MS4A4E: variants seen among roughly 807,000 people sequenced by gnomAD.
The protein encoded by MS4A4E is membrane spanning 4-domains A4E.
In MS4A4E, 23 loss-of-function variants were observed where a neutral mutation model predicts 13.3. That is an observed-to-expected ratio of 1.73 (90% CI 1.25 to 2.45). The LOEUF (loss-of-function observed/expected upper bound fraction) is 2.45. Among genes scored for constraint, MS4A4E ranks in the 30% most tolerant of loss-of-function variants. MS4A4E has a pLI of 0.00. For synonymous variants in MS4A4E, 36 were observed against 45.6 expected (o/e 0.79, Z 0.85); for missense variants, 144 against 131.2 (o/e 1.10, Z -0.48).
At chr11:60,224,937 C>T in intron 3 of MS4A4E, 1 of 1,476,640 alleles carries the variant, frequency 6.8e-7, no homozygotes, top group Non-Finnish European at 9.0e-7. Context: ...ATGTTATATC[C>T]AATTATATCA....
At chr11:60,224,543 T>G (rs527322339) in intron 3 of MS4A4E, among the ~76,000 whole-genome samples, 138 of 152,362 alleles carry the variant, frequency 9.1e-4, no homozygotes, top group African/African-American at 3.2e-3. Flanking sequence ...GATTTGGGCA[T>G]ATGTATATAA....
chr11:60,201,154 G>C lies in MS4A4E; in HGVS notation c.*389C>G, dbSNP rs555511318. ...TCCCTCCCGGACGGAGCGGCTGGCCGGGTAGAGGGGCTCCTCACTTCCCAG... is the reference window on the plus strand; with the variant it reads ...TCCCTCCCGGACGGAGCGGCTGGCCCGGTAGAGGGGCTCCTCACTTCCCAG... On this transcript the variant is annotated 3_prime_UTR_variant, in exon 9 of 9. Coordinates refer to ENST00000651255, the MANE Select transcript of MS4A4E (RefSeq NM_001393391.1). 2 of 141,080 alleles carry C rather than the reference G, an allele frequency of 1.4e-5. No individual in the cohort carries two copies. The highest frequency in any genetic ancestry group is 5.4e-5 in the African/African-American group (2 of 36,906). 8.7% of individuals were successfully genotyped at this position (141,080 alleles called of 1,614,324 possible). A position where few individuals can be genotyped will look rare whatever the true frequency, so the allele number is the denominator to read the frequency against.
chr11:60,203,861 A>G (rs1469483954), intron 8 of MS4A4E, among the ~76,000 whole-genome samples: 2 of 152,364 alleles, frequency 1.3e-5, no homozygotes, highest in Middle Eastern at 3.4e-3. Flanking sequence ...TCACTTATAG[A>G]TAGAACCTAG....
chr11:60,239,251 C>T (rs1398160234), intron 1 of MS4A4E, among the ~76,000 whole-genome samples: 1 of 152,108 alleles, frequency 6.6e-6, no homozygotes, highest in Non-Finnish European at 1.5e-5. Flanking sequence ...CAGCATATCT[C>T]GTAGAGAAAT....
At chr11:60,223,860 T>C (rs11826180) in intron 3 of MS4A4E, among the ~76,000 whole-genome samples, 51,481 of 152,008 alleles carry the variant, frequency 0.34, 9,468 homozygotes, top group South Asian at 0.51. Context: ...CTCCTTGTGA[T>C]TGTGTGACTC....
At chr11:60,215,256 T>C (rs1465626946) in intron 3 of MS4A4E, among the ~76,000 whole-genome samples, 3 of 151,892 alleles carry the variant, frequency 2.0e-5, no homozygotes, top group African/African-American at 7.2e-5. Flanking sequence ...TAAACTTCTT[T>C]AGTTTCCAAA....
At position 60,241,259 on chromosome 11, in the gene MS4A4E, C is replaced by T. The variant is rs1004403079; in HGVS notation, c.-17+1699G>A. Among the ~76,000 whole-genome samples, 8 of 152,310 alleles carry T rather than the reference C, an allele frequency of 5.3e-5. 1 individual carries two copies. The highest frequency in any genetic ancestry group is 1.7e-4 in the African/African-American group (7 of 41,554). The stretch of plus-strand genomic sequence containing the variant: ...CAGGATGGTCTCGATCCTCTGACCT[C>T]GTGATCCACCCACCTGGGCCTCCCA... On this transcript the variant is annotated intron_variant, in intron 1 of 8. Transcript: ENST00000651255.
intron 2 of MS4A4E, 128 bp downstream of exon 2, chr11:60,229,784 A>T: frequency 2.3e-6 from 2 of 871,052 alleles, no homozygotes; most frequent in Non-Finnish European, 3.4e-6. Context: ...GCCTGAAATT[A>T]AATTCTGATG....
intron 3 of MS4A4E, among the ~76,000 whole-genome samples, chr11:60,226,586 T>C (rs1352511374): frequency 1.3e-5 from 2 of 152,180 alleles, no homozygotes; most frequent in African/African-American, 4.8e-5. Context: ...CAAAATCCAA[T>C]GCCTGTTTAT....
At chr11:60,205,441 AAAT>A (rs1467967100) in intron 7 of MS4A4E, among the ~76,000 whole-genome samples, 2 of 152,218 alleles carry the variant, frequency 1.3e-5, no homozygotes, top group Non-Finnish European at 2.9e-5. Context: ...TGACAAATAT[AAAT>A]AATATGTATA....
chr11:60,239,593 A>G (rs2084524547), intron 1 of MS4A4E, among the ~76,000 whole-genome samples: 1 of 152,132 alleles, frequency 6.6e-6, no homozygotes, highest in Admixed American at 6.5e-5. Context: ...GTTTGTCTCA[A>G]AGATTGGTCA....
chr11:60,224,239 TCTA>T (rs2134952447), intron 3 of MS4A4E, among the ~76,000 whole-genome samples: 1 of 152,360 alleles, frequency 6.6e-6, no homozygotes, highest in Non-Finnish European at 1.5e-5. Context: ...AAATTCCAAT[TCTA>T]ATTTTAATTT....
chr11:60,234,089 G>A (rs2084449290), intron 1 of MS4A4E, among the ~76,000 whole-genome samples: 1 of 152,142 alleles, frequency 6.6e-6, no homozygotes, highest in Non-Finnish European at 1.5e-5. Context: ...CTTTTGAACT[G>A]AGACAGTCTA....
chr11:60,214,644 A>G lies in MS4A4E; in HGVS notation c.179-30T>C. 3 of 1,434,392 alleles carry G rather than the reference A, an allele frequency of 2.1e-6. No homozygotes were observed. In the South Asian group the frequency reaches 3.9e-5, roughly 19 times the overall value. The allele number at this position is 1,434,392 out of a possible 1,614,324, so 88.9% of individuals were successfully genotyped here. On this transcript the variant is annotated intron_variant, in intron 3 of 8. Transcript: ENST00000651255. ...AATAATAAAATAAGAATGAGAGAAA[A>G]AAATGGAGATAAAAAGTTTTAAACA... is the stretch of plus-strand genomic sequence containing the variant.
At chr11:60,241,165 C>A (rs928491573) in intron 1 of MS4A4E, among the ~76,000 whole-genome samples, 1 of 152,042 alleles carries the variant, frequency 6.6e-6, no homozygotes, top group South Asian at 2.1e-4. Context: ...CTGGGGCTAC[C>A]GGCGCCTGCC....
At chr11:60,237,308 A>G (rs901125614) in intron 1 of MS4A4E, among the ~76,000 whole-genome samples, 2 of 152,192 alleles carry the variant, frequency 1.3e-5, no homozygotes, top group African/African-American at 4.8e-5. Context: ...ATAGCATTTC[A>G]TGGTGTATAT....
At chr11:60,217,607 G>A (rs950430292) in intron 3 of MS4A4E, among the ~76,000 whole-genome samples, 4 of 152,148 alleles carry the variant, frequency 2.6e-5, no homozygotes, top group Non-Finnish European at 4.4e-5. Context: ...GAAGAATGTG[G>A]ATTGTGAAGA....
At chr11:60,215,813 C>T (rs1202146618) in intron 3 of MS4A4E, among the ~76,000 whole-genome samples, 1 of 151,826 alleles carries the variant, frequency 6.6e-6, no homozygotes, top group African/African-American at 2.4e-5. Flanking sequence ...CTAAAAAGTA[C>T]CATAAACTCT....
Position 60,201,302 on chromosome 11 carries a change from C to T in MS4A4E, c.*241G>A, listed in dbSNP as rs1403764650. ...TGGCCTGGCGGGGGCTGACCCCCAC[C>T]TCCCTCCCGGACGGGGTGGCTGCCT... is the stretch of plus-strand genomic sequence containing the variant. On this transcript the variant is annotated 3_prime_UTR_variant, in exon 9 of 9. Coordinates refer to ENST00000651255, the MANE Select transcript of MS4A4E (RefSeq NM_001393391.1). The T allele has an allele frequency of 1.2e-5, 2 of 162,046 alleles. No individual in the cohort carries two copies. Among genetic ancestry groups the T allele is most frequent in the Non-Finnish European group, 2.7e-5 (2 of 75,196 alleles). The allele number at this position is 162,046 out of a possible 1,614,324, so 10.0% of individuals were successfully genotyped here.
Sources: allele counts gnomAD v4.1 joint callset (sites outside exome capture counted in the v4.1 genomes callset), GRCh38; gene constraint gnomAD v4.1.1; transcripts MANE v1.5; gene names NCBI Gene and HGNC (gene_info 2026-07-23, HGNC 2026-07-21).